The following ALK variants were observed in gnomAD, a reference collection of about 807,000 sequenced individuals.
ALK encodes the protein ALK tyrosine kinase receptor.
In ALK, 74 loss-of-function variants were observed where a neutral mutation model predicts 163.1. The observed-to-expected ratio is 0.45, with a 90% CI of 0.38 to 0.55. ALK has a LOEUF of 0.55. ALK is among the 20% of genes least tolerant of loss of function. The pLI, the probability that ALK is intolerant of heterozygous loss-of-function variation, is 0.00. For synonymous variants in ALK, 960 were observed against 843.2 expected, an observed-to-expected ratio of 1.14 and a Z score of -2.40; for missense variants, 2,063 against 2,105.3, an observed-to-expected ratio of 0.98 and a Z score of 0.39.
At chr2:29,385,382 G>GTTTT (rs59445973) in intron 4 of ALK, among the ~76,000 whole-genome samples, 1 of 138,336 alleles carries the variant, frequency 7.2e-6, no homozygotes, top group Non-Finnish European at 1.6e-5. Flanking sequence ...CTGTCAGGTT[G>GTTTT]TTTTTTTTTT....
intron 24 of ALK, among the ~76,000 whole-genome samples, chr2:29,210,196 A>G (rs1489684404): frequency 6.6e-6 from 1 of 151,252 alleles, no homozygotes; most frequent in Non-Finnish European, 1.5e-5. Flanking sequence ...AGTGCTTCAT[A>G]TCTAACTCTC....
At chr2:29,822,006 C>G (rs953126381) in intron 1 of ALK, among the ~76,000 whole-genome samples, 1 of 152,218 alleles carries the variant, frequency 6.6e-6, no homozygotes, top group African/African-American at 2.4e-5. Flanking sequence ...GTATGCTTAG[C>G]TTCTAAACCT....
intron 1 of ALK, among the ~76,000 whole-genome samples, chr2:29,853,502 T>C (rs1666058183): frequency 6.6e-6 from 1 of 152,122 alleles, no homozygotes; most frequent in African/African-American, 2.4e-5. Context: ...CTCTCCCCAC[T>C]TCTACCACCC....
chr2:29,603,448 T>A (rs112450127), intron 3 of ALK, among the ~76,000 whole-genome samples: 77 of 152,286 alleles, frequency 5.1e-4, no homozygotes, highest in African/African-American at 1.8e-3. Flanking sequence ...GAAGTTAGTA[T>A]CTTATTACTA....
At chr2:29,735,347 AAAG>A (rs1445995014) in intron 1 of ALK, among the ~76,000 whole-genome samples, 1 of 152,154 alleles carries the variant, frequency 6.6e-6, no homozygotes, top group Non-Finnish European at 1.5e-5. Flanking sequence ...GAAAGTTATA[AAAG>A]TGTTTGTGAA....
At chr2:29,651,049 G>A (rs1677022602) in intron 3 of ALK, among the ~76,000 whole-genome samples, 1 of 152,126 alleles carries the variant, frequency 6.6e-6, no homozygotes, top group Non-Finnish European at 1.5e-5. Flanking sequence ...CAGGGAGTGT[G>A]TGGCAGACAC....
intron 4 of ALK, among the ~76,000 whole-genome samples, chr2:29,526,955 G>A (rs1287003567): frequency 6.6e-6 from 1 of 152,236 alleles, no homozygotes; most frequent in Non-Finnish European, 1.5e-5. Context: ...GAAGGTATCA[G>A]TGGGCCAGTA....
chr2:29,624,656 G>C (rs766945930), intron 3 of ALK, among the ~76,000 whole-genome samples: 6 of 152,308 alleles, frequency 3.9e-5, no homozygotes, highest in Non-Finnish European at 8.8e-5. Flanking sequence ...CTTAATACTG[G>C]GTGATGGGAT....
intron 1 of ALK, among the ~76,000 whole-genome samples, chr2:29,893,418 T>G (rs1184812997): frequency 1.3e-5 from 2 of 152,214 alleles, no homozygotes; most frequent in Non-Finnish European, 2.9e-5. Flanking sequence ...ATTCTTTTCT[T>G]CTTATCAAAT....
intron 3 of ALK, among the ~76,000 whole-genome samples, chr2:29,660,042 T>C (rs1292820035): frequency 1.3e-5 from 2 of 152,180 alleles, no homozygotes; most frequent in Non-Finnish European, 2.9e-5. Context: ...TGAAATAAAA[T>C]AGCCCTCTAA....
chr2:29,659,608 C>T (rs1375043776), intron 3 of ALK, among the ~76,000 whole-genome samples: 1 of 152,102 alleles, frequency 6.6e-6, no homozygotes, highest in Non-Finnish European at 1.5e-5. Context: ...AGGGCTGGGG[C>T]TGGACCAAAG....
rs969339443 is a variant in ALK, at chr2:29,921,299, C to A, written c.-640G>T. ...TGAACTTCTGGGCGTGAATCCCAGC[C>A]CCCGCGCTGCGCAAGTTTGCAGCGT... is the stretch of plus-strand genomic sequence containing the variant. On this transcript the variant is annotated 5_prime_UTR_variant, in exon 1 of 29. Transcript: ENST00000389048. 1 of 233,358 alleles carries A rather than the reference C, an allele frequency of 4.3e-6. No individual in the cohort carries two copies. The allele number at this position is 233,358 out of a possible 1,614,324, so 14.5% of individuals were successfully genotyped here.
chr2:29,288,965 AATAAATAAATAAAT>A lies in ALK; in HGVS notation c.1817+7909_1817+7922del, dbSNP rs1665941026. 3.0e-5 allele frequency among the ~76,000 whole-genome samples: 4 copies of A among 132,338 alleles called. 1 individual carries two copies. The highest frequency in any genetic ancestry group is 9.2e-5 in the African/African-American group (3 of 32,682). 86.8% of individuals were successfully genotyped at this position (132,338 alleles called of 152,430 possible). A position where few individuals can be genotyped will look rare whatever the true frequency, so the allele number is the denominator to read the frequency against. ...AGACTCCTTCTCAAAAAAATAAATA[AATAAATAAATAAAT>A]AAATAAATAAATAAATAAATAAAAG... On this transcript the variant is annotated intron_variant, in intron 9 of 28. Coordinates refer to ENST00000389048, the MANE Select transcript of ALK (RefSeq NM_004304.5).
intron 3 of ALK, among the ~76,000 whole-genome samples, chr2:29,619,587 G>T (rs1675968833): frequency 6.6e-6 from 1 of 152,098 alleles, no homozygotes; most frequent in Admixed American, 6.5e-5. Context: ...CAGCACTGCC[G>T]GCCCTCAGCT....
At chr2:29,623,759 G>T (rs1676108872) in intron 3 of ALK, among the ~76,000 whole-genome samples, 1 of 152,182 alleles carries the variant, frequency 6.6e-6, no homozygotes, top group African/African-American at 2.4e-5. Context: ...GTTGTGAAAA[G>T]AAAAGGAATT....
chr2:29,452,332 GT>G (rs66533654), intron 4 of ALK, among the ~76,000 whole-genome samples: 83,753 of 145,828 alleles, frequency 0.57, 24,363 homozygotes, highest in East Asian at 0.84. Flanking sequence ...AGTTTTTTTT[GT>G]TTTTTTTTTT....
rs73920786 is a variant in ALK at position 29,334,321 on chromosome 2, G to T, written c.1283-5840C>A. Among the ~76,000 whole-genome samples, 1,463 of 152,274 alleles carry T rather than the reference G, an allele frequency of 9.6e-3. 33 individuals are homozygous for T. The highest frequency in any genetic ancestry group is 0.033 in the African/African-American group (1,368 of 41,542). On this transcript the variant is annotated intron_variant, in intron 5 of 28. Coordinates refer to ENST00000389048, the MANE Select transcript of ALK (RefSeq NM_004304.5). ...AGCCTCAGACAGTGTCTGGTATAAA[G>T]ATCTAAATTCTCCCTATTTGGGAAT...
At chr2:29,345,550 G>A (rs1573261066) in intron 5 of ALK, among the ~76,000 whole-genome samples, 1 of 152,000 alleles carries the variant, frequency 6.6e-6, no homozygotes, top group Non-Finnish European at 1.5e-5. Flanking sequence ...TTCTAGAAAA[G>A]TTTGGCAGTA....
chr2:29,781,620 G>T (rs1404116611), intron 1 of ALK, among the ~76,000 whole-genome samples: 1 of 152,234 alleles, frequency 6.6e-6, no homozygotes, highest in Non-Finnish European at 1.5e-5. Context: ...TGCCTATGAT[G>T]GGTGATGAAC....
Sources: gnomAD v4.1 joint callset for allele counts (sites outside exome capture counted in the v4.1 genomes callset) on GRCh38, gnomAD v4.1.1 for gene constraint, MANE v1.5 for transcripts, NCBI Gene and HGNC (gene_info 2026-07-23, HGNC 2026-07-21) for gene names.